Variants in TESK2 observed in about 807,000 individuals in gnomAD.
TESK2 encodes dual specificity testis-specific protein kinase 2.
In TESK2, 39 loss-of-function variants were observed where a neutral mutation model predicts 57.1. That is an observed-to-expected ratio of 0.68 (90% CI 0.53 to 0.89). TESK2 has a LOEUF of 0.89. Ranked by LOEUF, TESK2 falls within the 40% of genes least tolerant of loss-of-function variation. The probability of loss-of-function intolerance (pLI) is 0.00; values close to 1 mark genes in which losing one functional copy is unlikely to be tolerated. For synonymous variants in TESK2, 249 were observed against 267.9 expected (o/e 0.93, Z 0.69); for missense variants, 646 against 732.1 (o/e 0.88, Z 1.36).
rs1647112550 is a variant in TESK2 at position 45,344,700 on chromosome 1, G to A, written c.*140C>T. 7 of 761,546 alleles carry A rather than the reference G, an allele frequency of 9.2e-6. 1 individual carries two copies. The highest frequency in any genetic ancestry group is 1.8e-5 in the African/African-American group (1 of 56,828). The allele number at this position is 761,546 out of a possible 1,614,324, so 47.2% of individuals were successfully genotyped here. A position where few individuals can be genotyped will look rare whatever the true frequency, so the allele number is the denominator to read the frequency against. On this transcript the variant is annotated 3_prime_UTR_variant, in exon 11 of 11. Transcript: ENST00000372086. The stretch of plus-strand genomic sequence containing the variant: ...CCGTCATACACAGCCAATGGGCACT[G>A]GGAGCCCAGAAGTTGAGCCTGGCTT...
chr1:45,474,812 ATCT>A (rs1297751190), intron 1 of TESK2, among the ~76,000 whole-genome samples: 1 of 149,680 alleles, frequency 6.7e-6, no homozygotes, highest in African/African-American at 2.5e-5. Context: ...GCAGTTTCTG[ATCT>A]TCTGTGTATA....
chr1:45,364,954 C>T (rs1412045323), intron 4 of TESK2, among the ~76,000 whole-genome samples: 5 of 152,192 alleles, frequency 3.3e-5, no homozygotes, highest in Admixed American at 6.5e-5. Context: ...CTTGTTGGCA[C>T]TCTACTCTTT....
chr1:45,488,744 G>GTAA (rs1653586710), intron 1 of TESK2, among the ~76,000 whole-genome samples: 1 of 152,130 alleles, frequency 6.6e-6, no homozygotes, highest in Non-Finnish European at 1.5e-5. Flanking sequence ...AAACTCTGGA[G>GTAA]AATAATTTTA....
intron 3 of TESK2, 31 bp from the exon 4 acceptor site, chr1:45,385,991 T>C (rs968260237): frequency 6.5e-7 from 1 of 1,533,166 alleles, no homozygotes; most frequent in Non-Finnish European, 9.0e-7. Context: ...ATTTAACAAG[T>C]GAAAAGGACA....
chr1:45,365,826 C>A (rs1245404330), intron 4 of TESK2, among the ~76,000 whole-genome samples: 5 of 151,940 alleles, frequency 3.3e-5, no homozygotes, highest in African/African-American at 1.2e-4. Flanking sequence ...CAGGCGTGTG[C>A]CACCACACCT....
chr1:45,386,095 C>T lies in TESK2; in HGVS notation c.345-135G>A, dbSNP rs112515886. The T allele has an allele frequency of 1.5e-3, 829 of 567,068 alleles. 8 individuals carry two copies. Among genetic ancestry groups the T allele is most frequent in the South Asian group, 0.011 (537 of 46,898 alleles). 35.1% of individuals were successfully genotyped at this position (567,068 alleles called of 1,614,324 possible). Reference sequence around the variant, plus strand: ...CATGATGGCTTACATCTGTAATCCCCGCACTTTAGGAGGCAGAGGTGTGCG... The same window carrying T: ...CATGATGGCTTACATCTGTAATCCCTGCACTTTAGGAGGCAGAGGTGTGCG... On this transcript the variant is annotated intron_variant, in intron 3 of 10. Transcript: ENST00000372086.
intron 3 of TESK2, 54 bp from the exon 4 acceptor site, chr1:45,386,014 C>A: frequency 7.1e-7 from 1 of 1,414,706 alleles, no homozygotes; most frequent in Non-Finnish European, 9.9e-7. Context: ...AATATAAATT[C>A]ATATAGAGAA....
chr1:45,454,083 C>T (rs1004700729), intron 2 of TESK2, among the ~76,000 whole-genome samples: 2 of 152,126 alleles, frequency 1.3e-5, no homozygotes, highest in Non-Finnish European at 2.9e-5. Flanking sequence ...TAAAATGGCA[C>T]AACCACTACG....
intron 1 of TESK2, among the ~76,000 whole-genome samples, chr1:45,466,242 C>T (rs1351017488): frequency 4.6e-5 from 7 of 151,822 alleles, no homozygotes; most frequent in African/African-American, 7.3e-5. Context: ...TTTGGGAGGC[C>T]GAGGCAGGCA....
intron 4 of TESK2, among the ~76,000 whole-genome samples, chr1:45,370,535 T>C (rs1045369621): frequency 2.6e-5 from 4 of 152,116 alleles, no homozygotes; most frequent in African/African-American, 7.2e-5. Context: ...CAATGATAAA[T>C]TATATTGTAT....
chr1:45,472,973 TAAAAAAAAAA>T (rs1023886539), intron 1 of TESK2, among the ~76,000 whole-genome samples: 1 of 100,846 alleles, frequency 9.9e-6, no homozygotes, highest in East Asian at 2.6e-4. Flanking sequence ...CTGTCTCTAC[TAAAAAAAAAA>T]AAAAAAAAAA....
At position 45,347,709 on chromosome 1, in the gene TESK2, A is replaced by T; in HGVS notation, c.624-16T>A. The T allele has an allele frequency of 6.2e-7, 1 of 1,613,288 alleles. No homozygotes were observed. The highest frequency in any genetic ancestry group is 8.5e-7 in the Non-Finnish European group (1 of 1,179,514). ...ACTCCCCATGCTGTGGGGTGAGATT[A>T]TACAGAAAATGAGCTTGCCAATGGC... On this transcript the variant is annotated splice_polypyrimidine_tract_variant and intron_variant, in intron 6 of 10. Coordinates refer to ENST00000372086, the MANE Select transcript of TESK2 (RefSeq NM_007170.3).
chr1:45,437,198 ATCTT>A (rs1343404876), intron 2 of TESK2, among the ~76,000 whole-genome samples: 2 of 152,216 alleles, frequency 1.3e-5, no homozygotes, highest in Non-Finnish European at 2.9e-5. Flanking sequence ...AGCATAAGAT[ATCTT>A]TCTATTTTTT....
In TESK2 at chr1:45,377,420, AT is replaced by A. The variant is rs752265198; in HGVS notation, c.393+8491del. Among the ~76,000 whole-genome samples, 882 of 134,676 alleles carry A rather than the reference AT, an allele frequency of 6.5e-3. 8 individuals are homozygous for A. Among genetic ancestry groups the A allele is most frequent in the African/African-American group, 0.017 (617 of 36,580 alleles). 88.4% of individuals were successfully genotyped at this position (134,676 alleles called of 152,430 possible). Reference sequence around the variant, plus strand: ...AAAGGATTCTAATAAGAGAACAAGGATTTTTTTTTTTTTTTTTTGAGACAGT... The same window carrying A: ...AAAGGATTCTAATAAGAGAACAAGGATTTTTTTTTTTTTTTTTGAGACAGT... On this transcript the variant is annotated intron_variant, in intron 4 of 10. Transcript: ENST00000372086.
chr1:45,451,189 T>C (rs1040863924), intron 2 of TESK2, among the ~76,000 whole-genome samples: 3 of 152,154 alleles, frequency 2.0e-5, no homozygotes, highest in Non-Finnish European at 4.4e-5. Context: ...TTCCATAGAT[T>C]CATGATTTTA....
chr1:45,469,136 T>G (rs190694860), intron 1 of TESK2, among the ~76,000 whole-genome samples: 4 of 152,302 alleles, frequency 2.6e-5, no homozygotes, highest in Admixed American at 1.3e-4. Context: ...CTAAAAGCTT[T>G]GATTGGGGAA....
rs545470915 is a variant in TESK2, at chr1:45,345,372, C to T, written c.1184G>A (p.Arg395His). The T allele has an allele frequency of 1.9e-5, 31 of 1,613,950 alleles. No homozygotes were observed. The East Asian group carries it at 3.1e-4, about 16-fold the overall frequency. ...ACTAAAAGGGTTGACTTTGGGGGTG[C>T]GGGCAGCACCATCTCGTGGCCGGTA... ...PYYRPRDGAA[R>H]TPKVNPFSAR... The change falls in exon 11 of 11, where the codon CGC (arginine) becomes CAC (histidine). Residue 395 changes from arginine (R) to histidine (H), a missense_variant. Arg to His is a conservative substitution (Grantham distance 29). Transcript: ENST00000372086.
intron 3 of TESK2, among the ~76,000 whole-genome samples, chr1:45,398,184 C>T (rs1649442364): frequency 6.6e-6 from 1 of 152,128 alleles, no homozygotes; most frequent in Admixed American, 6.5e-5. Flanking sequence ...GCTGGGATTA[C>T]AGGTGGGAGC....
intron 2 of TESK2, among the ~76,000 whole-genome samples, chr1:45,445,297 T>TA (rs1167443070): frequency 6.6e-6 from 1 of 152,150 alleles, no homozygotes; most frequent in African/African-American, 2.4e-5. Flanking sequence ...CTTGGGGAGA[T>TA]AGACTTGAGA....
Sources: gnomAD v4.1 joint callset for allele counts (sites outside exome capture counted in the v4.1 genomes callset) on GRCh38, gnomAD v4.1.1 for gene constraint, MANE v1.5 for transcripts, NCBI Gene and HGNC (gene_info 2026-07-23, HGNC 2026-07-21) for gene names.